DYNC1I1: variants seen among roughly 807,000 people sequenced by gnomAD.
The protein encoded by DYNC1I1 is dynein cytoplasmic 1 intermediate chain 1.
Under a neutral mutation model 86.6 loss-of-function variants are expected in DYNC1I1, and 43 were observed. The observed-to-expected ratio is 0.50, with a 90% CI of 0.39 to 0.64. The LOEUF is 0.64. Ranked by LOEUF, DYNC1I1 falls within the 30% of genes least tolerant of loss-of-function variation. DYNC1I1 has a pLI of 0.00. For missense variants in DYNC1I1, 604 were observed against 788.8 expected (o/e 0.77, Z 2.81); for synonymous variants, 262 against 283.7 (o/e 0.92, Z 0.77).
intron 1 of DYNC1I1, among the ~76,000 whole-genome samples, chr7:95,775,286 T>C (rs574100716): frequency 6.6e-6 from 1 of 152,386 alleles, no homozygotes; most frequent in East Asian, 1.9e-4. Flanking sequence ...TTAATTTTCA[T>C]ATATTGAATA....
chr7:95,781,378 C>T (rs899663122), intron 1 of DYNC1I1, among the ~76,000 whole-genome samples: 1 of 152,138 alleles, frequency 6.6e-6, no homozygotes, highest in African/African-American at 2.4e-5. Context: ...GCTCATTTTC[C>T]TTGAGTATCC....
intron 7 of DYNC1I1, among the ~76,000 whole-genome samples, chr7:95,981,761 C>T (rs1283138781): frequency 6.6e-6 from 1 of 152,042 alleles, no homozygotes; most frequent in Admixed American, 6.6e-5. Flanking sequence ...TTCTGCTTAA[C>T]CTATAAGAAA....
chr7:95,855,183 T>A (rs1789686735), intron 5 of DYNC1I1, among the ~76,000 whole-genome samples: 1 of 152,204 alleles, frequency 6.6e-6, no homozygotes, highest in Non-Finnish European at 1.5e-5. Context: ...TTATTTATAC[T>A]TCATTTCTGA....
intron 2 of DYNC1I1, among the ~76,000 whole-genome samples, chr7:95,806,435 C>T (rs1391668963): frequency 6.6e-6 from 1 of 152,148 alleles, no homozygotes; most frequent in Non-Finnish European, 1.5e-5. Context: ...GCACTTTTGC[C>T]TGGTGAGGAT....
intron 16 of DYNC1I1, among the ~76,000 whole-genome samples, chr7:96,093,588 G>T (rs548013290): frequency 1.2e-4 from 19 of 152,224 alleles, no homozygotes; most frequent in African/African-American, 4.6e-4. Context: ...CAAAAAATTA[G>T]AAAACAGTCA....
chr7:95,776,631 A>T (rs1276523838), intron 1 of DYNC1I1, among the ~76,000 whole-genome samples: 3 of 152,236 alleles, frequency 2.0e-5, no homozygotes, highest in Admixed American at 6.5e-5. Flanking sequence ...TATCGAAGAC[A>T]AAGCCAAGCT....
intron 1 of DYNC1I1, among the ~76,000 whole-genome samples, chr7:95,783,852 G>C (rs1794059148): frequency 6.6e-6 from 1 of 152,152 alleles, no homozygotes; most frequent in Non-Finnish European, 1.5e-5. Flanking sequence ...TTGCTTGCCT[G>C]TACCTAATTT....
intron 6 of DYNC1I1, among the ~76,000 whole-genome samples, chr7:95,930,246 G>A (rs976216109): frequency 1.3e-5 from 2 of 152,136 alleles, no homozygotes; most frequent in East Asian, 1.9e-4. Flanking sequence ...TTAAATATTG[G>A]CCTACAAATA....
At chr7:95,969,065 T>C (rs1478119882) in intron 6 of DYNC1I1, among the ~76,000 whole-genome samples, 2 of 152,240 alleles carry the variant, frequency 1.3e-5, no homozygotes, top group Non-Finnish European at 2.9e-5. Context: ...GAAGTGGCTG[T>C]GCTCTTTCAA....
chr7:95,951,807 A>C (rs1025288173), intron 6 of DYNC1I1, among the ~76,000 whole-genome samples: 9 of 152,164 alleles, frequency 5.9e-5, no homozygotes, highest in Admixed American at 3.3e-4. Context: ...AAGCTCATTC[A>C]TGCTTCTTAC....
rs1429925406 is a variant in DYNC1I1, at chr7:96,080,429, G to T, written c.1717G>T (p.Gly573Cys). The T allele has an allele frequency of 2.5e-6, 4 of 1,614,076 alleles. No individual in the cohort carries two copies. The African/African-American group carries it at 5.3e-5, about 22-fold the overall frequency. Residue 573 changes from glycine to cysteine, a missense_variant, in exon 16 of 17, where the codon GGC (glycine) becomes TGC (cysteine). Gly to Cys is a radical substitution (Grantham distance 159). Coordinates refer to ENST00000447467, the MANE Select transcript of DYNC1I1 (RefSeq NM_001135556.2). ...ALNRVRWAQA[G>C]KEVAVGDSEG... ...AAACCGTGTTCGTTGGGCCCAAGCT[G>T]GCAAAGAAGTTGCTGTTGGGGACTC...
downstream of DYNC1I1, among the ~76,000 whole-genome samples, chr7:96,099,700 C>A (rs1791098106): frequency 1.3e-5 from 2 of 152,288 alleles, no homozygotes; most frequent in South Asian, 4.1e-4. Context: ...TTTATATGGG[C>A]TCCACCCTCA....
chr7:96,040,617 A>G (rs561955375), intron 14 of DYNC1I1, among the ~76,000 whole-genome samples: 2 of 152,308 alleles, frequency 1.3e-5, no homozygotes, highest in African/African-American at 4.8e-5. Context: ...AGGCATTTCA[A>G]GATCTCCATT....
intron 6 of DYNC1I1, among the ~76,000 whole-genome samples, chr7:95,914,036 T>G (rs1791406723): frequency 6.6e-6 from 1 of 152,210 alleles, no homozygotes; most frequent in South Asian, 2.1e-4. Flanking sequence ...TTTGACCTGT[T>G]TCATGGCCAG....
chr7:96,060,798 AAAAT>A (rs1789740835), intron 14 of DYNC1I1, among the ~76,000 whole-genome samples: 2 of 152,168 alleles, frequency 1.3e-5, no homozygotes, highest in South Asian at 4.1e-4. Context: ...ACTGCTCTAA[AAAAT>A]AAAGTCTAAA....
intron 7 of DYNC1I1, among the ~76,000 whole-genome samples, chr7:95,979,805 T>C (rs1030447769): frequency 3.9e-5 from 6 of 152,172 alleles, no homozygotes; most frequent in Non-Finnish European, 8.8e-5. Context: ...AGGCTTACTC[T>C]TTCTGAGAGT....
chr7:95,875,247 A>G (rs3847048), intron 6 of DYNC1I1, among the ~76,000 whole-genome samples: 9,673 of 152,222 alleles, frequency 0.064, 415 homozygotes, highest in Non-Finnish European at 0.092. Context: ...TATATATTGG[A>G]AAAATGCCCA....
chr7:95,961,308 T>C (rs1276121852), intron 6 of DYNC1I1, among the ~76,000 whole-genome samples: 1 of 152,126 alleles, frequency 6.6e-6, no homozygotes, highest in African/African-American at 2.4e-5. Context: ...TTAGGGGCCC[T>C]TCAACTTCAT....
intron 13 of DYNC1I1, 126 bp downstream of exon 13, chr7:96,035,878 A>G: frequency 1.4e-6 from 2 of 1,433,328 alleles, no homozygotes; most frequent in Non-Finnish European, 1.9e-6. Context: ...CACGACTTCA[A>G]CTCTTCATTA....
Sources: allele counts gnomAD v4.1 joint callset (sites outside exome capture counted in the v4.1 genomes callset), GRCh38; gene constraint gnomAD v4.1.1; transcripts MANE v1.5; gene names NCBI Gene and HGNC (gene_info 2026-07-23, HGNC 2026-07-21).